Variants in ORC4 observed in about 807,000 individuals in gnomAD.
ORC4 encodes origin recognition complex subunit 4.
A neutral mutation model predicts 63.9 loss-of-function variants in ORC4; 55 were observed. That is an observed-to-expected ratio of 0.86 (90% confidence interval 0.69 to 1.08). ORC4 has a LOEUF of 1.08. Among genes scored for constraint, ORC4 ranks in the 50% least tolerant of loss-of-function variants. The pLI is 0.00. For missense variants in ORC4, 511 were observed against 504.4 expected (o/e 1.01, Z -0.13); for synonymous variants, 150 against 168.5 (o/e 0.89, Z 0.85).
intron 1 of ORC4, among the ~76,000 whole-genome samples, chr2:148,001,883 C>CA (rs1161202042): frequency 1.3e-5 from 2 of 152,000 alleles, no homozygotes; most frequent in Non-Finnish European, 2.9e-5. Flanking sequence ...TGCAAAGACA[C>CA]ACAAAGGTTC....
At chr2:147,943,875 A>G (rs1170040517) in intron 9 of ORC4, among the ~76,000 whole-genome samples, 1 of 152,186 alleles carries the variant, frequency 6.6e-6, no homozygotes, top group African/African-American at 2.4e-5. Flanking sequence ...CTAGGGATAC[A>G]AGGTAAAGTA....
intron 4 of ORC4, among the ~76,000 whole-genome samples, chr2:147,970,648 C>T (rs1249109810): frequency 6.9e-6 from 1 of 145,872 alleles, no homozygotes; most frequent in Non-Finnish European, 1.5e-5. Flanking sequence ...CGAATCTAAA[C>T]ACAGACCTTA....
intron 4 of ORC4, among the ~76,000 whole-genome samples, chr2:147,964,476 T>C (rs568917853): frequency 6.6e-6 from 1 of 152,282 alleles, no homozygotes; most frequent in East Asian, 1.9e-4. Context: ...ATTTGTATTA[T>C]TGTACTTTCA....
At chr2:148,012,822 C>A (rs1489813819) in intron 1 of ORC4, among the ~76,000 whole-genome samples, 3 of 151,968 alleles carry the variant, frequency 2.0e-5, no homozygotes, top group African/African-American at 7.2e-5. Flanking sequence ...AAATGGCAAA[C>A]AGGCATATGA....
At chr2:147,945,224 T>C (rs1385231035) in intron 9 of ORC4, among the ~76,000 whole-genome samples, 1 of 152,118 alleles carries the variant, frequency 6.6e-6, no homozygotes, top group African/African-American at 2.4e-5. Flanking sequence ...TTTTAAAACC[T>C]GCATTTGCCT....
In ORC4 at chr2:147,952,473, A is replaced by G. The variant is rs193033266; in HGVS notation, c.488T>C (p.Leu163Pro). The change falls in exon 8 of 14, where the codon CTT (leucine) becomes CCT (proline). Residue 163 changes from leucine to proline, a missense_variant. Leu to Pro is a moderately conservative substitution (Grantham distance 98, BLOSUM62 -3). Transcript: ENST00000392857. ...TGTTTGGTTTTTATGATGAGCAAAA[A>G]GATCAAATTCATCTAATATGAAGAT... is the stretch of plus-strand genomic sequence containing the variant. Reference protein sequence around the residue: ...PVIFILDEFDLFAHHKNQTLL... With the variant: ...PVIFILDEFDPFAHHKNQTLL... 6.2e-7 allele frequency: 1 copy of G among 1,612,114 alleles called. No homozygotes were observed. Among genetic ancestry groups the G allele is most frequent in the Admixed American group, 1.7e-5 (1 of 60,020 alleles).
chr2:147,985,568 G>A (rs534750248), intron 1 of ORC4, among the ~76,000 whole-genome samples: 6 of 152,240 alleles, frequency 3.9e-5, no homozygotes, highest in Non-Finnish European at 7.4e-5. Flanking sequence ...CCTACATATA[G>A]CTCAATAGCC....
chr2:148,014,294 C>A (rs1693137718), intron 1 of ORC4, among the ~76,000 whole-genome samples: 1 of 152,142 alleles, frequency 6.6e-6, no homozygotes, highest in Non-Finnish European at 1.5e-5. Context: ...AGGACAACAT[C>A]ATTAGGATAA....
chr2:147,944,972 G>A (rs952124130), intron 9 of ORC4, among the ~76,000 whole-genome samples: 2 of 151,592 alleles, frequency 1.3e-5, no homozygotes, highest in Non-Finnish European at 2.9e-5. Flanking sequence ...AAGTACACAG[G>A]GTGAACATAA....
intron 1 of ORC4, among the ~76,000 whole-genome samples, chr2:148,005,997 CACTA>C (rs1252753887): frequency 6.6e-6 from 1 of 151,986 alleles, no homozygotes; most frequent in African/African-American, 2.4e-5. Flanking sequence ...CAAATAAACA[CACTA>C]ACAAACAAAC....
chr2:147,992,462 C>T (rs1340673038), intron 1 of ORC4, among the ~76,000 whole-genome samples: 2 of 152,010 alleles, frequency 1.3e-5, no homozygotes, highest in African/African-American at 2.4e-5. Flanking sequence ...TTATATGGGA[C>T]ACAAGATTTA....
chr2:147,943,351 AACCAGT>A (rs2105271562), intron 10 of ORC4, 79 bp downstream of exon 10: 1 of 888,938 alleles, frequency 1.1e-6, no homozygotes, highest in South Asian at 1.4e-5. Context: ...AGGAGTTCGC[AACCAGT>A]CTGAGCAACA....
intron 8 of ORC4, 120 bp downstream of exon 8, chr2:147,952,253 C>A (rs892739034): frequency 3.8e-5 from 26 of 684,902 alleles, no homozygotes; most frequent in Non-Finnish European, 6.0e-5. Flanking sequence ...ATACACCAGG[C>A]ACTGCTGAAA....
intron 1 of ORC4, among the ~76,000 whole-genome samples, chr2:147,989,508 C>T (rs935528309): frequency 2.0e-5 from 3 of 152,088 alleles, no homozygotes; most frequent in Non-Finnish European, 4.4e-5. Flanking sequence ...GAGTTTGAGA[C>T]GAGCCTGGCC....
At position 147,931,801 on chromosome 2, in the gene ORC4, G is replaced by A. The variant is rs1687759155; in HGVS notation, c.*3709C>T. 3 of 151,736 alleles carry A rather than the reference G, an allele frequency of 2.0e-5. No individual in the cohort carries two copies. The highest frequency in any genetic ancestry group is 6.6e-5 in the Admixed American group (1 of 15,202). The allele number at this position is 151,736 out of a possible 1,614,324, so 9.4% of individuals were successfully genotyped here. A position where few individuals can be genotyped will look rare whatever the true frequency, so the allele number is the denominator to read the frequency against. On this transcript the variant is annotated 3_prime_UTR_variant, in exon 14 of 14. Transcript: ENST00000392857. ...TCAATAAATTAGGGATTGATGGGGT[G>A]TATTTCAAAATAATAAGAGCTATCT...
intron 1 of ORC4, among the ~76,000 whole-genome samples, chr2:148,012,969 G>A (rs187204732): frequency 2.0e-5 from 3 of 152,314 alleles, no homozygotes; most frequent in East Asian, 3.9e-4. Flanking sequence ...GGAGAAAGGG[G>A]AACCCTTGTA....
At chr2:147,981,003 T>A (rs1383396012) in intron 1 of ORC4, among the ~76,000 whole-genome samples, 3 of 152,148 alleles carry the variant, frequency 2.0e-5, no homozygotes, top group African/African-American at 7.2e-5. Context: ...AAAGAAGATG[T>A]GGTATATATA....
intron 9 of ORC4, among the ~76,000 whole-genome samples, chr2:147,945,832 A>C (rs1485053815): frequency 6.6e-6 from 1 of 152,088 alleles, no homozygotes. Context: ...TAATGCAGCT[A>C]CCACCCTACT....
At chr2:147,993,918 T>C (rs958628246) in intron 1 of ORC4, among the ~76,000 whole-genome samples, 2 of 152,210 alleles carry the variant, frequency 1.3e-5, no homozygotes, top group Admixed American at 6.5e-5. Context: ...TTCTCATCAT[T>C]CTTTGTCCCA....
Sources: allele counts gnomAD v4.1 joint callset (sites outside exome capture counted in the v4.1 genomes callset), GRCh38; gene constraint gnomAD v4.1.1; transcripts MANE v1.5; gene names NCBI Gene and HGNC (gene_info 2026-07-23, HGNC 2026-07-21).